The following GALNTL6 variants were observed in gnomAD, a reference collection of about 807,000 sequenced individuals.
GALNTL6 encodes the protein polypeptide N-acetylgalactosaminyltransferase-like 6.
Under a neutral mutation model 73.7 loss-of-function variants are expected in GALNTL6, and 46 were observed. The ratio of observed to expected loss-of-function variants is 0.62; its 90% CI spans 0.49 to 0.80. The LOEUF is 0.80. GALNTL6 is among the 30% of genes least tolerant of loss of function. GALNTL6 has a pLI of 0.00. For synonymous variants in GALNTL6, 259 were observed against 263.7 expected (o/e 0.98, Z 0.17); for missense variants, 604 against 755.0 (o/e 0.80, Z 2.34).
chr4:171,951,015 T>C (rs573598713), intron 2 of GALNTL6, among the ~76,000 whole-genome samples: 1 of 152,000 alleles, frequency 6.6e-6, no homozygotes, highest in African/African-American at 2.4e-5. Flanking sequence ...AATTAAGTTA[T>C]AGAAACATAT....
At chr4:171,939,608 T>C (rs1269929550) in intron 2 of GALNTL6, among the ~76,000 whole-genome samples, 1 of 152,068 alleles carries the variant, frequency 6.6e-6, no homozygotes, top group African/African-American at 2.4e-5. Context: ...GTTTAATTAC[T>C]TCAGTACTGA....
intron 2 of GALNTL6, among the ~76,000 whole-genome samples, chr4:172,007,893 T>C (rs925507168): frequency 6.6e-6 from 1 of 152,092 alleles, no homozygotes; most frequent in African/African-American, 2.4e-5. Context: ...ACTTGTAACA[T>C]TGGGATCTTT....
At chr4:173,005,339 T>TCAAGCCCTG (rs1752227238) in intron 10 of GALNTL6, among the ~76,000 whole-genome samples, 1 of 152,154 alleles carries the variant, frequency 6.6e-6, no homozygotes, top group Admixed American at 6.5e-5. Context: ...TGCAATGCTG[T>TCAAGCCCTG]CAAGCCCTGA....
At chr4:172,652,200 T>C (rs535139872) in intron 5 of GALNTL6, among the ~76,000 whole-genome samples, 7 of 152,334 alleles carry the variant, frequency 4.6e-5, no homozygotes, top group Admixed American at 2.0e-4. Flanking sequence ...GTGACATGCA[T>C]TTTACAACAG....
At chr4:172,495,393 T>A (rs1288294526) in intron 5 of GALNTL6, among the ~76,000 whole-genome samples, 1 of 152,180 alleles carries the variant, frequency 6.6e-6, no homozygotes, top group Non-Finnish European at 1.5e-5. Flanking sequence ...GCTTAATGTA[T>A]CCAGCACAGT....
chr4:172,528,319 AATAT>A lies in GALNTL6; in HGVS notation c.553+179673_553+179676del, dbSNP rs3083419. Among the ~76,000 whole-genome samples, 1,010 of 103,322 alleles carry A rather than the reference AATAT, an allele frequency of 9.8e-3. 5 individuals are homozygous for A. The highest frequency in any genetic ancestry group is 0.02 in the African/African-American group (417 of 20,422). The allele number at this position is 103,322 out of a possible 152,430, so 67.8% of individuals were successfully genotyped here. A position where few individuals can be genotyped will look rare whatever the true frequency, so the allele number is the denominator to read the frequency against. On this transcript the variant is annotated intron_variant, in intron 5 of 12. Transcript: ENST00000506823. ...AATACATTTGGCTTGCTAGAAATAA[AATAT>A]ATATATATATATATATATATATATA...
rs899865221 is a variant in GALNTL6, at chr4:172,229,685, A to G, written c.168A>G (p.Gln56=). The G allele has an allele frequency of 9.9e-6, 16 of 1,613,592 alleles. No individual in the cohort carries two copies. The highest frequency in any genetic ancestry group is 1.3e-5 in the African/African-American group (1 of 74,902). Residue 56 remains glutamine, a synonymous_variant, in exon 3 of 13, where the codon CAA becomes CAG. Transcript: ENST00000506823. ...TTCCACTGGGCCTGGGAGATGGGCA[A>G]TTCTATTCATGGACAGATGGTTTGA... The part of the protein sequence containing the change: ...QTFPLGLGDG[Q]FYSWTDGLRR...
rs558677623 is a variant in GALNTL6 at position 172,625,367 on chromosome 4, G to T, written c.554-183994G>T. Among the ~76,000 whole-genome samples the T allele has an allele frequency of 7.9e-5, 12 of 152,050 alleles. No homozygotes were observed. In the East Asian group the frequency reaches 2.3e-3, roughly 29 times the overall value. On this transcript the variant is annotated intron_variant, in intron 5 of 12. Transcript: ENST00000506823. Reference sequence around the variant, plus strand: ...CATCCAGGTCGCTGCAGAGGACATGGTTTCATTATTTTTATGGCTGTGTAG... The same window carrying T: ...CATCCAGGTCGCTGCAGAGGACATGTTTTCATTATTTTTATGGCTGTGTAG...
chr4:172,568,744 C>T (rs1432583285), intron 5 of GALNTL6, among the ~76,000 whole-genome samples: 5 of 105,678 alleles, frequency 4.7e-5, no homozygotes, highest in Admixed American at 4.7e-4. Flanking sequence ...GGCCACAGAG[C>T]GAGACTCCAT....
chr4:172,661,121 G>A (rs938591425), intron 5 of GALNTL6, among the ~76,000 whole-genome samples: 2 of 152,282 alleles, frequency 1.3e-5, no homozygotes, highest in Middle Eastern at 3.4e-3. Context: ...GATGAAATTA[G>A]CATTTAAATT....
intron 7 of GALNTL6, among the ~76,000 whole-genome samples, chr4:172,844,178 T>C (rs535301061): frequency 6.6e-6 from 1 of 152,222 alleles, no homozygotes; most frequent in East Asian, 1.9e-4. Flanking sequence ...CCGCGTACAT[T>C]GAGCCATGTT....
intron 2 of GALNTL6, among the ~76,000 whole-genome samples, chr4:171,958,479 T>A (rs1340994288): frequency 6.6e-6 from 1 of 152,126 alleles, no homozygotes; most frequent in Admixed American, 6.5e-5. Flanking sequence ...ATTTTAAAAA[T>A]TAGGAAAGAG....
At chr4:172,095,026 T>C (rs576053155) in intron 2 of GALNTL6, among the ~76,000 whole-genome samples, 3 of 150,130 alleles carry the variant, frequency 2.0e-5, no homozygotes, top group Admixed American at 1.3e-4. Context: ...AAAAATCACA[T>C]GGGAAGTACA....
At chr4:172,823,968 A>G (rs544395409) in intron 7 of GALNTL6, among the ~76,000 whole-genome samples, 8 of 152,184 alleles carry the variant, frequency 5.3e-5, no homozygotes, top group Non-Finnish European at 1.0e-4. Context: ...CTAGAGCCCA[A>G]GCTGTTGGGG....
At chr4:172,682,536 G>A (rs1404421885) in intron 5 of GALNTL6, among the ~76,000 whole-genome samples, 1 of 152,172 alleles carries the variant, frequency 6.6e-6, no homozygotes, top group Non-Finnish European at 1.5e-5. Flanking sequence ...ATACCCACTA[G>A]TATGTGAATT....
Position 172,654,525 on chromosome 4 carries a change from A to C in GALNTL6, c.554-154836A>C, listed in dbSNP as rs748557141. Among the ~76,000 whole-genome samples the C allele has an allele frequency of 4.6e-5, 7 of 152,216 alleles. 1 individual carries two copies. The highest frequency in any genetic ancestry group is 1.3e-4 in the Admixed American group (2 of 15,282). ...CATTGTAATAAAAAATGTTCTACAAATATTGAATTACATGATAAATTTCCC... is the reference window on the plus strand; with the variant it reads ...CATTGTAATAAAAAATGTTCTACAACTATTGAATTACATGATAAATTTCCC... On this transcript the variant is annotated intron_variant, in intron 5 of 12. Transcript: ENST00000506823.
chr4:172,709,001 T>C (rs985007332), intron 5 of GALNTL6, among the ~76,000 whole-genome samples: 6 of 152,214 alleles, frequency 3.9e-5, no homozygotes, highest in African/African-American at 1.4e-4. Flanking sequence ...AGGCATTCTT[T>C]TGAAAACAAT....
chr4:171,819,994 A>G (rs1404163218), intron 2 of GALNTL6, among the ~76,000 whole-genome samples: 2 of 152,156 alleles, frequency 1.3e-5, no homozygotes, highest in South Asian at 2.1e-4. Context: ...ACACTGTCCT[A>G]AACTTGCTCT....
At chr4:172,817,889 T>G (rs978679049) in intron 7 of GALNTL6, among the ~76,000 whole-genome samples, 12 of 152,234 alleles carry the variant, frequency 7.9e-5, no homozygotes. Context: ...TCTGCCTTCC[T>G]GATCCCAAAT....
Sources: gnomAD v4.1 joint callset for allele counts (sites outside exome capture counted in the v4.1 genomes callset) on GRCh38, gnomAD v4.1.1 for gene constraint, MANE v1.5 for transcripts, NCBI Gene and HGNC (gene_info 2026-07-23, HGNC 2026-07-21) for gene names.